The following ARB2A variants were observed in gnomAD, a reference collection of about 807,000 sequenced individuals.
The protein encoded by ARB2A is cotranscriptional regulator ARB2A.
the ARB2A span, among the ~76,000 whole-genome samples, chr5:93,897,771 T>C: frequency 1.2e-4 from 18 of 151,892 alleles, no homozygotes; most frequent in African/African-American, 4.3e-4. Context: ...GTGTATACTA[T>C]CACTTTTCAG....
At chr5:94,032,086 C>A in the ARB2A span, among the ~76,000 whole-genome samples, 3 of 152,316 alleles carry the variant, frequency 2.0e-5, no homozygotes, top group South Asian at 4.1e-4. Flanking sequence ...GGAGCCCCAA[C>A]AGAGAATCCC....
At chr5:93,980,615 T>A in the ARB2A span, among the ~76,000 whole-genome samples, 1 of 152,158 alleles carries the variant, frequency 6.6e-6, no homozygotes, top group Non-Finnish European at 1.5e-5. Flanking sequence ...TTTTCATATT[T>A]TCCATCTCTT....
chr5:94,082,937 C>T, the ARB2A span, among the ~76,000 whole-genome samples: 1 of 152,114 alleles, frequency 6.6e-6, no homozygotes, highest in Non-Finnish European at 1.5e-5. Flanking sequence ...TGGTTATTTA[C>T]TTTATCCAGA....
chr5:93,699,629 T>C, the ARB2A span, among the ~76,000 whole-genome samples: 1 of 151,970 alleles, frequency 6.6e-6, no homozygotes, highest in African/African-American at 2.4e-5. Context: ...CACAAATAAA[T>C]GTAAAAATCT....
the ARB2A span, among the ~76,000 whole-genome samples, chr5:93,890,334 C>T: frequency 4.0e-5 from 6 of 150,940 alleles, no homozygotes; most frequent in East Asian, 1.9e-4. Flanking sequence ...TTATTTACCA[C>T]GTAAATTATA....
chr5:94,106,365 A>G, the ARB2A span, among the ~76,000 whole-genome samples: 6 of 152,158 alleles, frequency 3.9e-5, no homozygotes, highest in African/African-American at 1.4e-4. Context: ...GACAACAAAC[A>G]TATGAAAAAA....
the ARB2A span, among the ~76,000 whole-genome samples, chr5:94,014,585 T>C: frequency 6.6e-6 from 1 of 152,116 alleles, no homozygotes; most frequent in African/African-American, 2.4e-5. Context: ...TAGTAATGTA[T>C]GAGCTTTCTG....
chr5:94,102,292 C>T, the ARB2A span, among the ~76,000 whole-genome samples: 1 of 151,832 alleles, frequency 6.6e-6, no homozygotes, highest in African/African-American at 2.4e-5. Context: ...TAAAATAATA[C>T]AAGAACTTAA....
At chr5:94,007,907 C>T in the ARB2A span, among the ~76,000 whole-genome samples, 15 of 152,222 alleles carry the variant, frequency 9.9e-5, no homozygotes, top group East Asian at 1.3e-3. Flanking sequence ...GGGAGCAACA[C>T]AATGGCCTAA....
chr5:94,110,832 T>G, the ARB2A span, among the ~76,000 whole-genome samples: 1 of 152,086 alleles, frequency 6.6e-6, no homozygotes, highest in East Asian at 1.9e-4. Context: ...TTGGGAGAAA[T>G]GGACAAATGC....
At chr5:93,852,855 T>C in the ARB2A span, among the ~76,000 whole-genome samples, 16 of 152,238 alleles carry the variant, frequency 1.1e-4, no homozygotes, top group Non-Finnish European at 2.2e-4. Flanking sequence ...TTGGTTACTG[T>C]AGCCTTGTAG....
chr5:93,631,661 A>G, the ARB2A span, among the ~76,000 whole-genome samples: 1 of 152,172 alleles, frequency 6.6e-6, no homozygotes, highest in South Asian at 2.1e-4. Context: ...CTTCATTGTA[A>G]AATAACACTG....
chr5:93,713,592 T>C, the ARB2A span, among the ~76,000 whole-genome samples: 1 of 152,306 alleles, frequency 6.6e-6, no homozygotes, highest in Non-Finnish European at 1.5e-5. Flanking sequence ...GACACCCTTG[T>C]ACATTGTTGG....
the ARB2A span, among the ~76,000 whole-genome samples, chr5:93,756,032 G>T: frequency 6.6e-6 from 1 of 152,110 alleles, no homozygotes; most frequent in Non-Finnish European, 1.5e-5. Context: ...GGGCTGTTGT[G>T]GGGGGCATGG....
chr5:93,894,332 A>G, the ARB2A span, among the ~76,000 whole-genome samples: 13 of 152,146 alleles, frequency 8.5e-5, 1 homozygote, highest in Admixed American at 7.9e-4. Flanking sequence ...GTCTAAAGCA[A>G]GCAGGGCTTT....
chr5:94,020,073 C>T, the ARB2A span, among the ~76,000 whole-genome samples: 8 of 152,126 alleles, frequency 5.3e-5, no homozygotes, highest in Non-Finnish European at 1.2e-4. Flanking sequence ...CCACGTAATG[C>T]TATGTAGCCA....
the ARB2A span, among the ~76,000 whole-genome samples, chr5:93,774,843 T>G: frequency 1.3e-5 from 2 of 152,294 alleles, no homozygotes; most frequent in Non-Finnish European, 2.9e-5. Flanking sequence ...TAAACCAAGT[T>G]TACATATTGA....
the ARB2A span, among the ~76,000 whole-genome samples, chr5:93,837,618 C>T: frequency 6.6e-6 from 1 of 152,090 alleles, no homozygotes; most frequent in African/African-American, 2.4e-5. Context: ...CTAATTTGCA[C>T]TCCCACCAAC....
the ARB2A span, among the ~76,000 whole-genome samples, chr5:93,894,799 C>T: frequency 6.6e-6 from 1 of 152,088 alleles, no homozygotes; most frequent in African/African-American, 2.4e-5. Flanking sequence ...ATGCACCCAT[C>T]CTGGCCCAAG....
Sources: allele counts gnomAD v4.1 joint callset (sites outside exome capture counted in the v4.1 genomes callset), GRCh38; gene constraint gnomAD v4.1.1; transcripts MANE v1.5; gene names NCBI Gene and HGNC (gene_info 2026-07-23, HGNC 2026-07-21).